FAM241A: variants seen among roughly 807,000 people sequenced by gnomAD.
FAM241A encodes the protein uncharacterized protein FAM241A.
Under a neutral mutation model 12.2 loss-of-function variants are expected in FAM241A, and 7 were observed. That is an observed-to-expected ratio of 0.58 (90% CI 0.33 to 1.08). The LOEUF is 1.08. Among genes scored for constraint, FAM241A ranks in the 50% least tolerant of loss-of-function variants. FAM241A has a pLI of 0.04. For synonymous variants in FAM241A, 74 were observed against 68.2 expected, an observed-to-expected ratio of 1.08 and a Z score of -0.42; for missense variants, 161 against 169.7, an observed-to-expected ratio of 0.95 and a Z score of 0.29.
At chr4:112,157,973 A>AT (rs1273012725) in intron 1 of FAM241A, among the ~76,000 whole-genome samples, 3 of 152,102 alleles carry the variant, frequency 2.0e-5, no homozygotes, top group African/African-American at 4.8e-5. Flanking sequence ...GAACGAAGTG[A>AT]TTTTTTTCCA....
intron 1 of FAM241A, among the ~76,000 whole-genome samples, chr4:112,185,020 C>T (rs1049821274): frequency 2.6e-5 from 4 of 151,952 alleles, no homozygotes; most frequent in Admixed American, 6.6e-5. Context: ...TTTTGCTTTC[C>T]TTTGGCCTAT....
At chr4:112,151,173 G>C (rs1359739093) in intron 1 of FAM241A, among the ~76,000 whole-genome samples, 1 of 152,160 alleles carries the variant, frequency 6.6e-6, no homozygotes, top group Non-Finnish European at 1.5e-5. Flanking sequence ...TGCCTTTGGT[G>C]ACAAGTAAAT....
chr4:112,156,983 C>A (rs1723367139), intron 1 of FAM241A, among the ~76,000 whole-genome samples: 1 of 152,040 alleles, frequency 6.6e-6, no homozygotes, highest in African/African-American at 2.4e-5. Context: ...CCCAGATAGT[C>A]AATGAAGGCC....
intron 1 of FAM241A, among the ~76,000 whole-genome samples, chr4:112,164,274 AAAG>A (rs936865117): frequency 5.3e-5 from 8 of 151,444 alleles, no homozygotes; most frequent in African/African-American, 1.9e-4. Context: ...TTTTTTAAAA[AAAG>A]GATGAGTTCA....
Position 112,176,812 on chromosome 4 carries a change from A to T in FAM241A, c.154-9881A>T, listed in dbSNP as rs1304813753. Among the ~76,000 whole-genome samples, 3 of 151,930 alleles carry T rather than the reference A, an allele frequency of 2.0e-5. No homozygotes were observed. In the South Asian group the frequency reaches 6.2e-4, roughly 32 times the overall value. ...TGTCATAGTCAGTACTCTCTGTATAACCACAAAGGAAACTGTACATTTGAC... is the reference window on the plus strand; with the variant it reads ...TGTCATAGTCAGTACTCTCTGTATATCCACAAAGGAAACTGTACATTTGAC... On this transcript the variant is annotated intron_variant, in intron 1 of 1. Coordinates refer to ENST00000309733, the MANE Select transcript of FAM241A (RefSeq NM_152400.3).
intron 1 of FAM241A, among the ~76,000 whole-genome samples, chr4:112,179,779 C>T (rs1302682994): frequency 6.7e-6 from 1 of 149,312 alleles, no homozygotes; most frequent in African/African-American, 2.4e-5. Context: ...CCTATTACTG[C>T]ATATATACCC....
intron 1 of FAM241A, among the ~76,000 whole-genome samples, chr4:112,165,765 A>G (rs914497622): frequency 6.6e-6 from 1 of 152,172 alleles, no homozygotes; most frequent in Non-Finnish European, 1.5e-5. Flanking sequence ...TGGGAAGGGT[A>G]GTGGGGCGTG....
At chr4:112,159,245 A>G (rs1723413506) in intron 1 of FAM241A, among the ~76,000 whole-genome samples, 1 of 152,198 alleles carries the variant, frequency 6.6e-6, no homozygotes, top group South Asian at 2.1e-4. Flanking sequence ...AGTCTTAGTA[A>G]CTATGGTAAC....
At position 112,194,078 on chromosome 4, in the gene FAM241A, G is replaced by A. The variant is rs1428779080; in HGVS notation, c.*7140G>A. The stretch of plus-strand genomic sequence containing the variant: ...AGGTCCTTCACGTCCCTTGTAAGTT[G>A]GATTCCTAGGTATTTTGTTCTCTTT... On this transcript the variant is annotated 3_prime_UTR_variant, in exon 2 of 2. Transcript: ENST00000309733. The A allele has an allele frequency of 1.4e-5, 2 of 139,076 alleles. No homozygotes were observed. Among genetic ancestry groups the A allele is most frequent in the African/African-American group, 5.7e-5 (2 of 35,016 alleles). The allele number at this position is 139,076 out of a possible 1,614,324, so 8.6% of individuals were successfully genotyped here. A position where few individuals can be genotyped will look rare whatever the true frequency, so the allele number is the denominator to read the frequency against.
chr4:112,191,839 T>C lies in FAM241A; in HGVS notation c.*4901T>C, dbSNP rs1724170331. 1 of 152,164 alleles carries C rather than the reference T, an allele frequency of 6.6e-6. No homozygotes were observed. Among genetic ancestry groups the C allele is most frequent in the African/African-American group, 2.4e-5 (1 of 41,420 alleles). The allele number at this position is 152,164 out of a possible 1,614,324, so 9.4% of individuals were successfully genotyped here. On this transcript the variant is annotated 3_prime_UTR_variant, in exon 2 of 2. Transcript: ENST00000309733. The stretch of plus-strand genomic sequence containing the variant: ...TGTCAGCTGCTGCTTTAATAATTGA[T>C]TAATTATTAAATTAATCAATAGGCT...
rs190221298 is a variant in FAM241A at position 112,158,125 on chromosome 4, T to G, written c.153+12392T>G. 1.0e-3 allele frequency among the ~76,000 whole-genome samples: 153 copies of G among 152,150 alleles called. 3 individuals carry two copies. The South Asian group carries it at 0.017, about 17-fold the overall frequency. On this transcript the variant is annotated intron_variant, in intron 1 of 1. Transcript: ENST00000309733. ...TTTATTTTATTATAATTTATTATTA[T>G]GGTTTATTTAACAGTAATATACTGA...
chr4:112,167,128 TA>T (rs761865055), intron 1 of FAM241A, among the ~76,000 whole-genome samples: 13,103 of 148,896 alleles, frequency 0.088, 689 homozygotes, highest in South Asian at 0.13. Context: ...AAAAAAAAAA[TA>T]AAAATAAAAA....
chr4:112,149,064 C>A (rs531591739), intron 1 of FAM241A, among the ~76,000 whole-genome samples: 1 of 114,208 alleles, frequency 8.8e-6, no homozygotes, highest in East Asian at 2.6e-4. Context: ...AAGAAAAAAG[C>A]CTTTGAAATC....
rs1003644918 is a variant in FAM241A at position 112,191,585 on chromosome 4, C to G, written c.*4647C>G. 1 of 152,260 alleles carries G rather than the reference C, an allele frequency of 6.6e-6. No individual in the cohort carries two copies. Among genetic ancestry groups the G allele is most frequent in the African/African-American group, 2.4e-5 (1 of 41,454 alleles). 9.4% of individuals were successfully genotyped at this position (152,260 alleles called of 1,614,324 possible). ...TCCCCAGTTCCTTTAAAGAGACATG[C>G]TTTCTTACTTCCAGAACTTTGTACA... On this transcript the variant is annotated 3_prime_UTR_variant, in exon 2 of 2. Coordinates refer to ENST00000309733, the MANE Select transcript of FAM241A (RefSeq NM_152400.3).
At chr4:112,159,823 C>A (rs1723424026) in intron 1 of FAM241A, among the ~76,000 whole-genome samples, 2 of 152,094 alleles carry the variant, frequency 1.3e-5, no homozygotes, top group Admixed American at 6.6e-5. Context: ...TAGTATCATA[C>A]TAAATGGAGA....
At chr4:112,159,036 T>G (rs1723409651) in intron 1 of FAM241A, among the ~76,000 whole-genome samples, 1 of 152,164 alleles carries the variant, frequency 6.6e-6, no homozygotes, top group Non-Finnish European at 1.5e-5. Flanking sequence ...AATCAACCTT[T>G]TTAGCTCTCA....
At chr4:112,147,151 A>G (rs892663818) in intron 1 of FAM241A, among the ~76,000 whole-genome samples, 19 of 152,222 alleles carry the variant, frequency 1.2e-4, no homozygotes, top group Admixed American at 1.2e-3. Context: ...AGACATCACT[A>G]ATAGTTGTGG....
At position 112,158,061 on chromosome 4, in the gene FAM241A, G is replaced by A. The variant is rs181545640; in HGVS notation, c.153+12328G>A. On this transcript the variant is annotated intron_variant, in intron 1 of 1. Transcript: ENST00000309733. Reference sequence around the variant, plus strand: ...ATGTAAAACACTTGAGAAAAATTACGTAAAGAAAAAAATAGATATCAAACT... The same window carrying A: ...ATGTAAAACACTTGAGAAAAATTACATAAAGAAAAAAATAGATATCAAACT... 1.1e-4 allele frequency among the ~76,000 whole-genome samples: 16 copies of A among 151,906 alleles called. No individual in the cohort carries two copies. The South Asian group carries it at 2.3e-3, about 22-fold the overall frequency.
chr4:112,146,109 G>T (rs1483396858), intron 1 of FAM241A, among the ~76,000 whole-genome samples: 1 of 152,118 alleles, frequency 6.6e-6, no homozygotes, highest in Non-Finnish European at 1.5e-5. Context: ...CTTCGAGTCC[G>T]TGCCCTGCGC....
Sources: gnomAD v4.1 joint callset for allele counts (sites outside exome capture counted in the v4.1 genomes callset) on GRCh38, gnomAD v4.1.1 for gene constraint, MANE v1.5 for transcripts, NCBI Gene and HGNC (gene_info 2026-07-23, HGNC 2026-07-21) for gene names.